Variants in PLCB2 observed in about 807,000 individuals in gnomAD.
The protein encoded by PLCB2 is 1-phosphatidylinositol 4,5-bisphosphate phosphodiesterase beta-2.
In PLCB2, 115 loss-of-function variants were observed where a neutral mutation model predicts 141.7. The ratio of observed to expected loss-of-function variants is 0.81; its 90% CI spans 0.70 to 0.95. PLCB2 has a LOEUF of 0.95. Ranked by LOEUF, PLCB2 falls within the 40% of genes least tolerant of loss-of-function variation. PLCB2 has a pLI of 0.00. For missense variants in PLCB2, 1,403 were observed against 1,541.1 expected (o/e 0.91, Z 1.50); for synonymous variants, 603 against 595.6 (o/e 1.01, Z -0.18).
intron 19 of PLCB2, 57 bp from the exon 20 acceptor site, chr15:40,293,781 A>G: frequency 6.4e-7 from 1 of 1,572,690 alleles, no homozygotes; most frequent in Non-Finnish European, 8.7e-7. Context: ...CTCTTCCCCA[A>G]GCATCTGGGG....
downstream of PLCB2, among the ~76,000 whole-genome samples, chr15:40,287,361 A>ACT (rs1319211453): frequency 5.9e-5 from 9 of 152,056 alleles, no homozygotes; most frequent in African/African-American, 1.9e-4. Context: ...ATGTGCTGTA[A>ACT]CTCTAATAAG....
chr15:40,303,799 T>C (rs2040649986), intron 2 of PLCB2: 1 of 553,334 alleles, frequency 1.8e-6, no homozygotes, highest in African/African-American at 1.9e-5. Flanking sequence ...GGATGGAACA[T>C]TTGGGTAGCC....
At chr15:40,296,985 T>G (rs2040258205) in intron 13 of PLCB2, 77 bp from the exon 14 acceptor site, 1 of 1,416,230 alleles carries the variant, frequency 7.1e-7, no homozygotes, top group Non-Finnish European at 9.9e-7. Context: ...CCAGGCATGC[T>G]CCCTCGGCCT....
intron 1 of PLCB2, among the ~76,000 whole-genome samples, chr15:40,306,293 T>C (rs761382711): frequency 6.6e-5 from 10 of 152,110 alleles, no homozygotes. Flanking sequence ...TTCTTGCTTG[T>C]GCAGGTCAGG....
chr15:40,291,801 T>G, intron 24 of PLCB2, 48 bp downstream of exon 24: 1 of 1,613,322 alleles, frequency 6.2e-7, no homozygotes, highest in Non-Finnish European at 8.5e-7. Context: ...TGCCTGTGGG[T>G]GCAGAGGTGG....
At position 40,294,394 on chromosome 15, in the gene PLCB2, C is replaced by T. The variant is rs779815323; in HGVS notation, c.1933G>A (p.Val645Ile). 33 of 1,614,204 alleles carry T rather than the reference C, an allele frequency of 2.0e-5. No individual in the cohort carries two copies. Among genetic ancestry groups the T allele is most frequent in the Non-Finnish European group, 2.8e-5 (33 of 1,180,028 alleles). ...MDLPMQQNMA[V>I]FEFNGQSGYL... ...CCGCTCTGCCCGTTGAACTCAAATA[C>T]TGCCATGTTCTGCTGCATGGGCAAG... Residue 645 changes from valine (V) to isoleucine (I), a missense_variant, in exon 19 of 32, where the codon GTA becomes ATA. Val to Ile is a conservative substitution (Grantham distance 29). This residue lies in a region of PLCB2 where 975 missense variants were observed against 1,141.1 expected (regional missense o/e 0.85). Coordinates refer to ENST00000260402, the MANE Select transcript of PLCB2 (RefSeq NM_004573.3).
At chr15:40,289,948 AGAGAGAGAGAGAGAGAGAGAGTGTGTGT>A in intron 30 of PLCB2, 49 bp downstream of exon 30, 2 of 339,882 alleles carry the variant, frequency 5.9e-6, no homozygotes, top group Non-Finnish European at 1.2e-5. Flanking sequence ...AGAGAGAGAG[AGAGAGAGAGAGAGAGAGAGAGTGTGTGT>A]GTGTGTGTGT....
Position 40,307,754 on chromosome 15 carries a change from G to T in PLCB2, c.-82C>A. On this transcript the variant is annotated 5_prime_UTR_variant, in exon 1 of 32. Transcript: ENST00000260402. ...GGAAGGAGGCCAGCCAGGAGGGGGA[G>T]CCAAGCTGGGCTCAAATGGCACCCA... 3 of 1,189,756 alleles carry T rather than the reference G, an allele frequency of 2.5e-6. No homozygotes were observed. The highest frequency in any genetic ancestry group is 1.2e-6 in the Non-Finnish European group (1 of 850,988). 73.7% of individuals were successfully genotyped at this position (1,189,756 alleles called of 1,614,324 possible). A position where few individuals can be genotyped will look rare whatever the true frequency, so the allele number is the denominator to read the frequency against.
rs1213033101 is a variant in PLCB2 at position 40,294,283 on chromosome 15, T to C, written c.2044A>G (p.Thr682Ala). 1 of 1,606,784 alleles carries C rather than the reference T, an allele frequency of 6.2e-7. No individual in the cohort carries two copies. Among genetic ancestry groups the C allele is most frequent in the African/African-American group, 1.3e-5 (1 of 74,606 alleles). The stretch of plus-strand genomic sequence containing the variant: ...GGCCTTGCCGTAATGGAAAGGGTGG[T>C]GGCCACCACCACGTCGATGCGGTCC... ...SVDRIDVVVA[T>A]TLSITVISGQ... The change falls in exon 19 of 32, where the codon ACC becomes GCC. Residue 682 changes from threonine (T) to alanine (A), a missense_variant. Thr to Ala is a moderately conservative substitution (Grantham distance 58, BLOSUM62 0). This residue lies in a region of PLCB2 where 975 missense variants were observed against 1,141.1 expected (regional missense o/e 0.85). Transcript: ENST00000260402.
At chr15:40,291,983 G>T in intron 23 of PLCB2, 59 bp from the exon 24 acceptor site, 1 of 1,605,754 alleles carries the variant, frequency 6.2e-7, no homozygotes. Context: ...CCGAGCCTGG[G>T]ACTCGGCCCT....
In PLCB2 at chr15:40,296,926, G is replaced by A; in HGVS notation, c.1324-18C>T. 2 of 1,612,738 alleles carry A rather than the reference G, an allele frequency of 1.2e-6. No individual in the cohort carries two copies. The highest frequency in any genetic ancestry group is 8.5e-7 in the Non-Finnish European group (1 of 1,179,586). On this transcript the variant is annotated intron_variant, in intron 13 of 31. Transcript: ENST00000260402. ...GGTTTTAGCTATGGAGTGGAGAGCA[G>A]GTCAGCACCATCTTCTCACCTTCAT...
rs773199542 is a variant in PLCB2 at position 40,292,415 on chromosome 15, C to G, written c.2355G>C (p.Glu785Asp). ...SGYHHLCLHS[E>D]SNMPLTMPAL... ...CAGGCATGGTGAGGGGCATGTTGCTCTCACTGTGCAGGCACAGGTGGTGGT... is the reference window on the plus strand; with the variant it reads ...CAGGCATGGTGAGGGGCATGTTGCTGTCACTGTGCAGGCACAGGTGGTGGT... Residue 785 changes from glutamate (E) to aspartate (D), a missense_variant, in exon 22 of 32, where the codon GAG (glutamate) becomes GAC (aspartate). Glu to Asp is a conservative substitution (Grantham distance 45). Transcript: ENST00000260402. 3.7e-6 allele frequency: 6 copies of G among 1,613,662 alleles called. No homozygotes were observed. Among genetic ancestry groups the G allele is most frequent in the Non-Finnish European group, 5.1e-6 (6 of 1,179,818 alleles).
intron 19 of PLCB2, 60 bp downstream of exon 19, chr15:40,294,206 C>T: frequency 1.3e-6 from 2 of 1,546,974 alleles, no homozygotes; most frequent in East Asian, 2.2e-5. Flanking sequence ...GGGGTGGGCT[C>T]CTGTGCCCTT....
chr15:40,306,860 A>G (rs1368549225), intron 1 of PLCB2, among the ~76,000 whole-genome samples: 1 of 152,228 alleles, frequency 6.6e-6, no homozygotes, highest in Non-Finnish European at 1.5e-5. Context: ...AGCCTAAGAG[A>G]ATCCCTGGCC....
chr15:40,295,019 G>A lies in PLCB2; in HGVS notation c.1823C>T (p.Thr608Ile). The A allele has an allele frequency of 2.5e-6, 4 of 1,613,996 alleles. No individual in the cohort carries two copies. Among genetic ancestry groups the A allele is most frequent in the Non-Finnish European group, 2.5e-6 (3 of 1,179,904 alleles). ...RQMSRIYPKG[T>I]RMDSSNYMPQ... The stretch of plus-strand genomic sequence containing the variant: ...CATGTAGTTGGAGGAGTCCATGCGG[G>A]TTCCCTTGGGGTAAATGCGGCTCAT... The change falls in exon 18 of 32, where the codon ACC (threonine) becomes ATC (isoleucine). Residue 608 changes from threonine to isoleucine, a missense_variant. This residue lies in a region of PLCB2 where 975 missense variants were observed against 1,141.1 expected (regional missense o/e 0.85). Transcript: ENST00000260402.
intron 27 of PLCB2, 90 bp from the exon 28 acceptor site, chr15:40,290,927 G>T: frequency 6.9e-7 from 1 of 1,456,490 alleles, no homozygotes; most frequent in Non-Finnish European, 9.3e-7. Context: ...GAGTCGGTGA[G>T]GGGGTTGGGT....
rs1288825080 is a variant in PLCB2, at chr15:40,302,310, G to C, written c.412C>G (p.Leu138Val). ...EDVLALVKHP[L>V]TANASRSTFL... ...GTGCTGCGGGAGGCGTTGGCCGTCA[G>C]CGGATGTTTGACTAGGGCCAGTACG... is the stretch of plus-strand genomic sequence containing the variant. The change falls in exon 5 of 32, where the codon CTG becomes GTG. Residue 138 changes from leucine to valine, a missense_variant. Around this residue, in one of 4 missense-constraint regions of PLCB2, gnomAD observed 975 missense variants for 1,141.1 expected, o/e 0.85. Transcript: ENST00000260402. 2 of 1,614,168 alleles carry C rather than the reference G, an allele frequency of 1.2e-6. No homozygotes were observed. Among genetic ancestry groups the C allele is most frequent in the Non-Finnish European group, 1.7e-6 (2 of 1,180,024 alleles).
Position 40,301,953 on chromosome 15 carries a change from T to A in PLCB2, c.582+4A>T, listed in dbSNP as rs773137528. 4 of 1,613,348 alleles carry A rather than the reference T, an allele frequency of 2.5e-6. No homozygotes were observed. Among genetic ancestry groups the A allele is most frequent in the Non-Finnish European group, 3.4e-6 (4 of 1,179,454 alleles). On this transcript the variant is annotated splice_donor_region_variant and intron_variant, in intron 7 of 31. Coordinates refer to ENST00000260402, the MANE Select transcript of PLCB2 (RefSeq NM_004573.3). Reference sequence around the variant, plus strand: ...GGGATGGGCAGGGGTGCAGATCCACTCACTTTGCCTTTGGGGAGGTGGCAG... The same window carrying A: ...GGGATGGGCAGGGGTGCAGATCCACACACTTTGCCTTTGGGGAGGTGGCAG...
At chr15:40,299,467 G>A (rs1425280211) in intron 7 of PLCB2, among the ~76,000 whole-genome samples, 2 of 152,204 alleles carry the variant, frequency 1.3e-5, no homozygotes, top group Non-Finnish European at 2.9e-5. Context: ...GCTGGGGCAG[G>A]ATCGGAACTA....
Sources: allele counts gnomAD v4.1 joint callset (sites outside exome capture counted in the v4.1 genomes callset), GRCh38; gene constraint gnomAD v4.1.1; regional missense constraint gnomAD v4.1.1; transcripts MANE v1.5; gene names NCBI Gene and HGNC (gene_info 2026-07-23, HGNC 2026-07-21).